RBFOX1: variants seen among roughly 807,000 people sequenced by gnomAD.
RBFOX1 encodes RNA binding protein fox-1 homolog 1.
Under a neutral mutation model 57.7 loss-of-function variants are expected in RBFOX1, and 8 were observed. That is an observed-to-expected ratio of 0.14 (90% CI 0.08 to 0.25). The LOEUF is 0.25. Ranked by LOEUF, RBFOX1 falls within the 10% of genes least tolerant of loss-of-function variation. RBFOX1 has a pLI of 1.00. For synonymous variants in RBFOX1, 326 were observed against 222.4 expected, an observed-to-expected ratio of 1.47 and a Z score of -4.15; for missense variants, 611 against 548.5, an observed-to-expected ratio of 1.11 and a Z score of -1.14.
intron 4 of RBFOX1, among the ~76,000 whole-genome samples, chr16:7,266,332 T>C (rs1291138210): frequency 6.6e-6 from 1 of 152,140 alleles, no homozygotes; most frequent in East Asian, 1.9e-4. Flanking sequence ...CTCGCCCTCT[T>C]GCTCCTGCTT....
intron 1 of RBFOX1, among the ~76,000 whole-genome samples, chr16:5,249,655 T>C (rs985437148): frequency 6.6e-6 from 1 of 152,238 alleles, no homozygotes; most frequent in Admixed American, 6.5e-5. Context: ...CAAATTATTA[T>C]TTGTTCATTT....
chr16:5,769,188 A>G lies in RBFOX1; in HGVS notation c.319-98115A>G, dbSNP rs115578745. Among the ~76,000 whole-genome samples, 1,366 of 152,292 alleles carry G rather than the reference A, an allele frequency of 9.0e-3. 22 individuals are homozygous for G. Among genetic ancestry groups the G allele is most frequent in the African/African-American group, 0.029 (1,213 of 41,560 alleles). The stretch of plus-strand genomic sequence containing the variant: ...GAAACACCTTATGAATATGTCATCA[A>G]CTAAATTATGTCCCCTCAAAATTCA... On this transcript the variant is annotated intron_variant, in intron 3 of 19. Transcript: ENST00000641259.
chr16:5,326,069 G>A (rs565753864), intron 1 of RBFOX1, among the ~76,000 whole-genome samples: 35 of 152,234 alleles, frequency 2.3e-4, no homozygotes, highest in African/African-American at 7.5e-4. Context: ...TTACACTCCC[G>A]TCAGACAGCA....
intron 4 of RBFOX1, among the ~76,000 whole-genome samples, chr16:7,156,365 A>C (rs1419245923): frequency 1.3e-5 from 2 of 151,784 alleles, no homozygotes; most frequent in Admixed American, 1.3e-4. Flanking sequence ...ACATGCACAT[A>C]TACATATGCG....
At chr16:7,456,648 C>T (rs2058568155) in intron 4 of RBFOX1, among the ~76,000 whole-genome samples, 1 of 152,184 alleles carries the variant, frequency 6.6e-6, no homozygotes, top group South Asian at 2.1e-4. Flanking sequence ...TGCATTTTGC[C>T]TCCCTTTCTT....
chr16:7,157,013 G>T (rs1302345782), intron 4 of RBFOX1, among the ~76,000 whole-genome samples: 1 of 152,176 alleles, frequency 6.6e-6, no homozygotes, highest in Non-Finnish European at 1.5e-5. Context: ...CTGTCAGATT[G>T]TGAAAGGCTG....
intron 1 of RBFOX1, among the ~76,000 whole-genome samples, chr16:5,348,437 A>C (rs2065191257): frequency 6.6e-6 from 1 of 152,250 alleles, no homozygotes; most frequent in Admixed American, 6.5e-5. Flanking sequence ...TTTAAGAGTC[A>C]TATGAAGTAG....
At position 6,176,312 on chromosome 16, in the gene RBFOX1, A is replaced by G. The variant is rs9940850; in HGVS notation, c.-126-140683A>G. 4.2e-3 allele frequency among the ~76,000 whole-genome samples: 538 copies of G among 126,646 alleles called. 2 individuals carry two copies. Among genetic ancestry groups the G allele is most frequent in the African/African-American group, 0.016 (496 of 30,542 alleles). The allele number at this position is 126,646 out of a possible 152,430, so 83.1% of individuals were successfully genotyped here. On this transcript the variant is annotated intron_variant, in intron 1 of 15. Transcript: ENST00000550418. ...AGGTGCCCACCGCCATGCCTGACCA[A>G]ATTTTTTTTTTTTTTTTTTTTTTTT...
rs566349356 is a variant in RBFOX1 at position 6,842,224 on chromosome 16, A to C, written c.-16+187574A>C. Reference sequence around the variant, plus strand: ...GAGTGTTAGCTATTTGAGTAGTCTCAGCTGAATAATACCTCTGACATGGTA... The same window carrying C: ...GAGTGTTAGCTATTTGAGTAGTCTCCGCTGAATAATACCTCTGACATGGTA... On this transcript the variant is annotated intron_variant, in intron 3 of 15. Transcript: ENST00000550418. 3.3e-5 allele frequency among the ~76,000 whole-genome samples: 5 copies of C among 152,260 alleles called. No homozygotes were observed. In the East Asian group the frequency reaches 7.7e-4, roughly 23 times the overall value.
intron 1 of RBFOX1, among the ~76,000 whole-genome samples, chr16:6,219,567 A>G (rs1004512336): frequency 6.6e-6 from 1 of 151,838 alleles, no homozygotes; most frequent in Non-Finnish European, 1.5e-5. Flanking sequence ...TAACCTCTCA[A>G]TTGCTTTATC....
At chr16:5,299,252 A>G (rs944012786) in intron 1 of RBFOX1, among the ~76,000 whole-genome samples, 1 of 152,000 alleles carries the variant, frequency 6.6e-6, no homozygotes, top group African/African-American at 2.4e-5. Context: ...CATACTGTGT[A>G]TATCAGTGGT....
chr16:6,180,546 A>G (rs189642926), intron 1 of RBFOX1, among the ~76,000 whole-genome samples: 3 of 140,644 alleles, frequency 2.1e-5, no homozygotes, highest in South Asian at 4.5e-4. Flanking sequence ...TCTCTGTTTC[A>G]TTTTTGTTGT....
intron 2 of RBFOX1, among the ~76,000 whole-genome samples, chr16:6,373,382 TAG>T (rs1231673114): frequency 6.7e-5 from 10 of 149,394 alleles, no homozygotes; most frequent in South Asian, 2.1e-4. Context: ...GATAGTTTTT[TAG>T]GATCACTGGG....
chr16:6,959,343 T>C (rs2082478201), intron 3 of RBFOX1, among the ~76,000 whole-genome samples: 1 of 152,202 alleles, frequency 6.6e-6, no homozygotes, highest in Non-Finnish European at 1.5e-5. Context: ...TTGTTTTCAA[T>C]ACATCTGATA....
rs538628310 is a variant in RBFOX1, at chr16:6,435,841, A to G, written c.-64+118784A>G. Among the ~76,000 whole-genome samples the G allele has an allele frequency of 2.0e-5, 3 of 152,272 alleles. No individual in the cohort carries two copies. In the East Asian group the frequency reaches 5.8e-4, roughly 29 times the overall value. ...TGGTAGTCAAACAGTAGATGGACTTATCTCACATGTGCCATTCATCAAATT... is the reference window on the plus strand; with the variant it reads ...TGGTAGTCAAACAGTAGATGGACTTGTCTCACATGTGCCATTCATCAAATT... On this transcript the variant is annotated intron_variant, in intron 2 of 15. Coordinates refer to ENST00000550418, the MANE Select transcript of RBFOX1 (RefSeq NM_018723.4).
At chr16:6,334,891 C>A (rs111920681) in intron 2 of RBFOX1, among the ~76,000 whole-genome samples, 280 of 152,250 alleles carry the variant, frequency 1.8e-3, no homozygotes, top group African/African-American at 6.2e-3. Flanking sequence ...GAGATATTTG[C>A]TTCTGGAGAC....
At chr16:7,541,754 G>T (rs1256595085) in intron 5 of RBFOX1, among the ~76,000 whole-genome samples, 3 of 152,194 alleles carry the variant, frequency 2.0e-5, no homozygotes, top group African/African-American at 7.2e-5. Context: ...TTAACCACCT[G>T]GGCCTTGGGC....
intron 3 of RBFOX1, among the ~76,000 whole-genome samples, chr16:5,715,802 T>G (rs2051675190): frequency 6.6e-6 from 1 of 152,170 alleles, no homozygotes; most frequent in African/African-American, 2.4e-5. Flanking sequence ...CTACAAGGGC[T>G]TCCTTTTACT....
chr16:7,343,005 G>C (rs1375317767), intron 4 of RBFOX1, among the ~76,000 whole-genome samples: 11 of 152,164 alleles, frequency 7.2e-5, no homozygotes, highest in Non-Finnish European at 1.6e-4. Context: ...ACTGGAACTG[G>C]AGCTGGGTTG....
Sources: gnomAD v4.1 joint callset for allele counts (sites outside exome capture counted in the v4.1 genomes callset) on GRCh38, gnomAD v4.1.1 for gene constraint, MANE v1.5 for transcripts, NCBI Gene and HGNC (gene_info 2026-07-23, HGNC 2026-07-21) for gene names.